The following BIRC6 variants were observed in gnomAD, a reference collection of about 807,000 sequenced individuals.
The protein encoded by BIRC6 is dual E2 ubiquitin-conjugating enzyme/E3 ubiquitin-protein ligase BIRC6.
BIRC6 carries 98 observed loss-of-function variants against 503.3 expected under a neutral mutation model. The observed-to-expected ratio is 0.19, with a 90% CI of 0.17 to 0.23. The LOEUF is 0.23. BIRC6 is among the 10% of genes least tolerant of loss of function. The probability of loss-of-function intolerance (pLI) is 1.00; values close to 1 mark genes in which losing one functional copy is unlikely to be tolerated. For synonymous variants in BIRC6, 2,240 were observed against 2,078.7 expected (o/e 1.08, Z -2.11); for missense variants, 5,360 against 5,806.0 (o/e 0.92, Z 2.50).
chr2:32,502,965 CTT>C (rs2053370800), intron 48 of BIRC6, 74 bp downstream of exon 48: 2 of 1,516,788 alleles, frequency 1.3e-6, no homozygotes, highest in Non-Finnish European at 1.8e-6. Flanking sequence ...TTTTTGTAGT[CTT>C]TTGTGGAAGT....
chr2:32,540,537 A>G (rs565932569), intron 61 of BIRC6, among the ~76,000 whole-genome samples: 1 of 152,104 alleles, frequency 6.6e-6, no homozygotes, highest in Non-Finnish European at 1.5e-5. Context: ...GCATGTTTTC[A>G]TATACTTTTC....
chr2:32,501,452 C>G (rs966184458), intron 46 of BIRC6, among the ~76,000 whole-genome samples: 1 of 152,130 alleles, frequency 6.6e-6, no homozygotes, highest in African/African-American at 2.4e-5. Context: ...ATTTTAATCT[C>G]TAAGAGTCCA....
chr2:32,469,839 TC>T (rs1372294953), intron 30 of BIRC6, among the ~76,000 whole-genome samples: 1 of 152,244 alleles, frequency 6.6e-6, no homozygotes, highest in Non-Finnish European at 1.5e-5. Flanking sequence ...CTTGTGGACT[TC>T]ATAGATCTGT....
At chr2:32,472,918 A>G (rs779680842) in intron 32 of BIRC6, 194 bp from the exon 33 acceptor site, 74 of 490,432 alleles carry the variant, frequency 1.5e-4, no homozygotes, top group Non-Finnish European at 2.2e-4. Context: ...TTTAGGGTCT[A>G]CATTAGATAA....
intron 31 of BIRC6, 111 bp from the exon 32 acceptor site, chr2:32,470,903 A>T: frequency 1.8e-6 from 2 of 1,120,676 alleles, no homozygotes; most frequent in Non-Finnish European, 1.2e-6. Context: ...GTTAGTAATG[A>T]TAAGATATGT....
chr2:32,492,392 T>G (rs958006731), intron 44 of BIRC6, among the ~76,000 whole-genome samples: 8 of 152,038 alleles, frequency 5.3e-5, no homozygotes, highest in African/African-American at 1.9e-4. Context: ...CTTAATAAAA[T>G]AAATGAGACA....
At chr2:32,587,250 G>T (rs1343226799) in intron 66 of BIRC6, among the ~76,000 whole-genome samples, 1 of 152,184 alleles carries the variant, frequency 6.6e-6, no homozygotes, top group Non-Finnish European at 1.5e-5. Context: ...AGCTGGGAAT[G>T]ATGGTGCGCG....
intron 73 of BIRC6, among the ~76,000 whole-genome samples, chr2:32,615,126 C>T (rs1266610382): frequency 4.6e-5 from 7 of 152,240 alleles, no homozygotes; most frequent in African/African-American, 7.2e-5. Flanking sequence ...AACCCGATCT[C>T]GTGATAATTC....
rs370529825 is a variant in BIRC6 at position 32,430,805 on chromosome 2, CTTTTTTTT to C, written c.3023-46_3023-39del. On this transcript the variant is annotated intron_variant, in intron 11 of 73. Coordinates refer to ENST00000421745, the MANE Select transcript of BIRC6 (RefSeq NM_016252.4). ...AATTAAAACTTCACTTCATTGTCTTCTTTTTTTTTTTTTTTTTTTTTCCACACCTATTT... is the reference window on the plus strand; with the variant it reads ...AATTAAAACTTCACTTCATTGTCTTCTTTTTTTTTTTTTCCACACCTATTT... 4.1e-4 allele frequency: 199 copies of C among 484,730 alleles called. 1 individual carries two copies. Among genetic ancestry groups the C allele is most frequent in the African/African-American group, 2.7e-3 (121 of 44,474 alleles). 30.0% of individuals were successfully genotyped at this position (484,730 alleles called of 1,614,324 possible). A position where few individuals can be genotyped will look rare whatever the true frequency, so the allele number is the denominator to read the frequency against.
At chr2:32,490,229 T>C in intron 43 of BIRC6, 78 bp downstream of exon 43, 1 of 1,248,274 alleles carries the variant, frequency 8.0e-7, no homozygotes, top group Non-Finnish European at 1.2e-6. Flanking sequence ...AAACAGAGTT[T>C]TCCAAGGAGT....
Position 32,448,816 on chromosome 2 carries a change from A to G in BIRC6, c.4506A>G (p.Pro1502=), listed in dbSNP as rs150651833. The part of the protein sequence containing the change: ...LQTRYGLYSS[P]FDPVLFDLEM... The stretch of plus-strand genomic sequence containing the variant: ...TCAGATATGGATTATATAGCTCACC[A>G]TTTGATCCAGTCCTCTTTGATTTGG... The change falls in exon 22 of 74, where the codon CCA becomes CCG. Residue 1502 remains proline, a synonymous_variant. Transcript: ENST00000421745. The G allele has an allele frequency of 4.2e-4, 672 of 1,612,390 alleles. No homozygotes were observed. In the African/African-American group the frequency reaches 4.5e-3, roughly 11 times the overall value.
At chr2:32,598,754 G>A (rs1440465064) in intron 69 of BIRC6, among the ~76,000 whole-genome samples, 16 of 152,024 alleles carry the variant, frequency 1.1e-4, no homozygotes, top group Non-Finnish European at 1.9e-4. Flanking sequence ...TTTTTGGATA[G>A]GCTCATGCCT....
chr2:32,538,478 G>C (rs1156540418), intron 61 of BIRC6, among the ~76,000 whole-genome samples: 2 of 152,124 alleles, frequency 1.3e-5, no homozygotes, highest in Non-Finnish European at 2.9e-5. Context: ...AGATTCACTT[G>C]AGAAATAAGG....
At chr2:32,401,133 T>C (rs1340408776) in intron 6 of BIRC6, 30 bp from the exon 7 acceptor site, 2 of 1,577,082 alleles carry the variant, frequency 1.3e-6, no homozygotes. Context: ...TTATTTTTAG[T>C]AAACTTTTCC....
chr2:32,534,247 G>T (rs995853856), intron 61 of BIRC6, among the ~76,000 whole-genome samples: 1 of 150,924 alleles, frequency 6.6e-6, no homozygotes, highest in Admixed American at 6.6e-5. Context: ...GGTAGTGGGT[G>T]CCTGTTATCC....
chr2:32,386,401 A>G (rs1157701853), intron 3 of BIRC6, among the ~76,000 whole-genome samples: 2 of 151,758 alleles, frequency 1.3e-5, no homozygotes. Flanking sequence ...AGTAAAGGGG[A>G]CGAGGTCATT....
chr2:32,575,546 C>T lies in BIRC6; in HGVS notation c.13355+180C>T, dbSNP rs545670061. Among the ~76,000 whole-genome samples, 447 of 152,164 alleles carry T rather than the reference C, an allele frequency of 2.9e-3. 6 individuals are homozygous for T. The highest frequency in any genetic ancestry group is 5.6e-3 in the Non-Finnish European group (381 of 68,006). On this transcript the variant is annotated intron_variant, in intron 66 of 73. Transcript: ENST00000421745. ...GTGGGAGGCCGAGGTGGATGGATCA[C>T]GAGGTCAGGAGATCAAGACCATCCT...
At chr2:32,424,311 A>C (rs1186447550) in intron 10 of BIRC6, among the ~76,000 whole-genome samples, 1 of 152,086 alleles carries the variant, frequency 6.6e-6, no homozygotes, top group Non-Finnish European at 1.5e-5. Context: ...CCACAGTTTC[A>C]GTCATCACTG....
rs760585710 is a variant in BIRC6 at position 32,407,445 on chromosome 2, C to CAAAA, written c.1477+907_1477+910dup. Among the ~76,000 whole-genome samples the CAAAA allele has an allele frequency of 3.4e-3, 238 of 69,804 alleles. 3 individuals are homozygous for CAAAA. Among genetic ancestry groups the CAAAA allele is most frequent in the African/African-American group, 0.011 (212 of 18,518 alleles). 45.8% of individuals were successfully genotyped at this position (69,804 alleles called of 152,430 possible). A position where few individuals can be genotyped will look rare whatever the true frequency, so the allele number is the denominator to read the frequency against. ...GGGCAACAAGAGAGAAACTCTGTCT[C>CAAAA]AAAAAAAAAAAAAAAAAAAAAAGAT... On this transcript the variant is annotated intron_variant, in intron 9 of 73. Transcript: ENST00000421745.
Sources: allele counts gnomAD v4.1 joint callset (sites outside exome capture counted in the v4.1 genomes callset), GRCh38; gene constraint gnomAD v4.1.1; transcripts MANE v1.5; gene names NCBI Gene and HGNC (gene_info 2026-07-23, HGNC 2026-07-21).